Variants in RAP1A observed in about 807,000 individuals in gnomAD.
RAP1A encodes the protein RAP1A, member of RAS oncogene family.
A neutral mutation model predicts 26.4 loss-of-function variants in RAP1A; 6 were observed. That is an observed-to-expected ratio of 0.23 (90% CI 0.12 to 0.45). RAP1A has a LOEUF of 0.45. RAP1A is among the 20% of genes least tolerant of loss of function. The probability of loss-of-function intolerance (pLI) is 0.99; values close to 1 mark genes in which losing one functional copy is unlikely to be tolerated. For synonymous variants in RAP1A, 73 were observed against 79.4 expected (o/e 0.92, Z 0.43); for missense variants, 121 against 217.2 (o/e 0.56, Z 2.78).
upstream of RAP1A, chr1:111,542,197 G>T: frequency 1.9e-6 from 1 of 539,706 alleles, no homozygotes; most frequent in South Asian, 1.4e-5. Flanking sequence ...AGATCGTTTA[G>T]ACCAGCTTAA....
intron 1 of RAP1A, chr1:111,648,626 A>C: frequency 3.8e-6 from 2 of 520,338 alleles, no homozygotes; most frequent in Middle Eastern, 5.5e-4. Context: ...TGTTCTACAA[A>C]CTGGCCTTCA....
chr1:111,547,908 C>T (rs1160542049), intron 1 of RAP1A, among the ~76,000 whole-genome samples: 1 of 152,216 alleles, frequency 6.6e-6, no homozygotes, highest in African/African-American at 2.4e-5. Context: ...TTCTTTGGCC[C>T]TCCAGAAAGT....
chr1:111,564,206 A>G (rs1378604386), intron 1 of RAP1A, among the ~76,000 whole-genome samples: 2 of 152,196 alleles, frequency 1.3e-5, no homozygotes, highest in Non-Finnish European at 2.9e-5. Context: ...TGAAACTTGA[A>G]ATGAGAGAAA....
intron 1 of RAP1A, among the ~76,000 whole-genome samples, chr1:111,611,329 T>C (rs989061544): frequency 7.2e-5 from 11 of 152,314 alleles, no homozygotes; most frequent in African/African-American, 2.6e-4. Flanking sequence ...CCTGATGATA[T>C]TGTACAATGT....
At chr1:111,551,247 A>T (rs1657246609) in intron 1 of RAP1A, among the ~76,000 whole-genome samples, 2 of 152,166 alleles carry the variant, frequency 1.3e-5, no homozygotes, top group Non-Finnish European at 2.9e-5. Context: ...GTAATTACTG[A>T]AAAGAAAGGG....
chr1:111,714,611 C>T lies in RAP1A; in HGVS notation c.*2210C>T, dbSNP rs1220368397. ...TTAAAGGTGGAACTGTCAAGAAAAA[C>T]GCCTTTCTGGCACACAGTGATATGC... On this transcript the variant is annotated 3_prime_UTR_variant, in exon 8 of 8. Coordinates refer to ENST00000369709, the MANE Select transcript of RAP1A (RefSeq NM_002884.4). 1.3e-5 allele frequency: 2 copies of T among 152,148 alleles called. No individual in the cohort carries two copies. Among genetic ancestry groups the T allele is most frequent in the Admixed American group, 6.6e-5 (1 of 15,264 alleles). 9.4% of individuals were successfully genotyped at this position (152,148 alleles called of 1,614,324 possible).
chr1:111,710,560 G>T (rs1427970642), intron 7 of RAP1A, among the ~76,000 whole-genome samples: 1 of 152,190 alleles, frequency 6.6e-6, no homozygotes, highest in Non-Finnish European at 1.5e-5. Flanking sequence ...TGGAAAGTTG[G>T]TTACACTAAC....
chr1:111,620,284 C>T (rs767420137), intron 1 of RAP1A, among the ~76,000 whole-genome samples: 7 of 152,252 alleles, frequency 4.6e-5, no homozygotes, highest in Admixed American at 6.5e-5. Context: ...AGCACAAGCC[C>T]ATTTCCCTCG....
intron 4 of RAP1A, among the ~76,000 whole-genome samples, chr1:111,701,657 C>G (rs563874021): frequency 5.3e-5 from 8 of 152,282 alleles, no homozygotes; most frequent in African/African-American, 1.9e-4. Context: ...GAGGGAACAC[C>G]AACCACAGCA....
chr1:111,648,179 G>GTA (rs1660132686), intron 1 of RAP1A: 1 of 230,546 alleles, frequency 4.3e-6, no homozygotes. Flanking sequence ...CAAACAGTGT[G>GTA]TGTGTGTGTG....
At chr1:111,596,782 T>C (rs1658571600) in intron 1 of RAP1A, among the ~76,000 whole-genome samples, 1 of 152,202 alleles carries the variant, frequency 6.6e-6, no homozygotes, top group African/African-American at 2.4e-5. Flanking sequence ...ACCAGAGTCC[T>C]TTTTATAACA....
intron 1 of RAP1A, among the ~76,000 whole-genome samples, chr1:111,550,783 C>T (rs187017252): frequency 6.6e-6 from 1 of 152,330 alleles, no homozygotes; most frequent in East Asian, 1.9e-4. Context: ...GCACATGCCA[C>T]CACACCCAGC....
chr1:111,683,428 TAAAG>T (rs1359601584), intron 1 of RAP1A, among the ~76,000 whole-genome samples: 1 of 150,310 alleles, frequency 6.7e-6, no homozygotes, highest in Non-Finnish European at 1.5e-5. Context: ...GCCAGACTAA[TAAAG>T]AAGGAAAGAG....
At chr1:111,681,555 C>T (rs1270221088) in intron 1 of RAP1A, among the ~76,000 whole-genome samples, 1 of 152,030 alleles carries the variant, frequency 6.6e-6, no homozygotes, top group Non-Finnish European at 1.5e-5. Context: ...GTGAAGCATA[C>T]ACAAGTATCA....
chr1:111,573,639 C>T (rs1203529940), intron 1 of RAP1A, among the ~76,000 whole-genome samples: 1 of 152,106 alleles, frequency 6.6e-6, no homozygotes, highest in East Asian at 1.9e-4. Flanking sequence ...CCGGCCTTGA[C>T]TTTTTAATAA....
At chr1:111,677,732 C>T (rs186805469) in intron 1 of RAP1A, among the ~76,000 whole-genome samples, 88 of 152,262 alleles carry the variant, frequency 5.8e-4, no homozygotes, top group East Asian at 3.9e-4. Flanking sequence ...CCACAACCTG[C>T]GGTGCCTTTT....
chr1:111,626,172 AT>A (rs1434171577), intron 1 of RAP1A, among the ~76,000 whole-genome samples: 8 of 152,210 alleles, frequency 5.3e-5, no homozygotes, highest in Non-Finnish European at 7.3e-5. Flanking sequence ...AGTAAAATAA[AT>A]TGTGAACATT....
chr1:111,645,419 C>T (rs1162864072), intron 1 of RAP1A, among the ~76,000 whole-genome samples: 1 of 152,112 alleles, frequency 6.6e-6, no homozygotes, highest in African/African-American at 2.4e-5. Context: ...ATGTGCAGTA[C>T]TGAGGGTCCA....
chr1:111,647,157 A>G (rs1428662730), intron 1 of RAP1A, among the ~76,000 whole-genome samples: 1 of 152,132 alleles, frequency 6.6e-6, no homozygotes, highest in Non-Finnish European at 1.5e-5. Context: ...CTCTTATCAG[A>G]TCACTAGTGG....
Sources: allele counts gnomAD v4.1 joint callset (sites outside exome capture counted in the v4.1 genomes callset), GRCh38; gene constraint gnomAD v4.1.1; transcripts MANE v1.5; gene names NCBI Gene and HGNC (gene_info 2026-07-23, HGNC 2026-07-21).